Variants in EPM2A observed in about 807,000 individuals in gnomAD.
EPM2A encodes EPM2A glucan phosphatase, laforin, also known as laforin.
A neutral mutation model predicts 26.5 loss-of-function variants in EPM2A; 21 were observed. That is an observed-to-expected ratio of 0.79 (90% CI 0.56 to 1.14). The LOEUF is 1.14. Among genes scored for constraint, EPM2A ranks in the 50% most tolerant of loss-of-function variants. The probability of loss-of-function intolerance (pLI) is 0.00; values close to 1 mark genes in which losing one functional copy is unlikely to be tolerated. For missense variants in EPM2A, 458 were observed against 440.8 expected (o/e 1.04, Z -0.35); for synonymous variants, 217 against 177.6 (o/e 1.22, Z -1.76).
intron 4 of EPM2A, among the ~76,000 whole-genome samples, chr6:145,403,588 G>A (rs990079785): frequency 6.6e-6 from 1 of 152,100 alleles, no homozygotes; most frequent in Non-Finnish European, 1.5e-5. Flanking sequence ...TGTTGTAAAT[G>A]ATTAGATCTC....
At chr6:145,635,904 TAA>T (rs989952779) in intron 2 of EPM2A, 57 of 214,180 alleles carry the variant, frequency 2.7e-4, no homozygotes, top group African/African-American at 1.3e-3. Context: ...CATTCCGGTT[TAA>T]AAGTCTATGC....
At chr6:145,548,777 T>C (rs1368351535) in intron 2 of EPM2A, among the ~76,000 whole-genome samples, 1 of 152,088 alleles carries the variant, frequency 6.6e-6, no homozygotes, top group African/African-American at 2.4e-5. Flanking sequence ...TAAACTCGGC[T>C]CTCACTCACT....
intron 1 of EPM2A, among the ~76,000 whole-genome samples, chr6:145,698,409 C>A (rs1217082079): frequency 6.6e-6 from 1 of 152,120 alleles, no homozygotes; most frequent in African/African-American, 2.4e-5. Context: ...TCACTATCTG[C>A]CAAGCCTCCA....
At chr6:145,393,295 G>A (rs147861175) in intron 4 of EPM2A, among the ~76,000 whole-genome samples, 166 of 152,094 alleles carry the variant, frequency 1.1e-3, no homozygotes, top group African/African-American at 3.9e-3. Context: ...CAGAATCAGG[G>A]GCTTTCCACT....
chr6:145,632,308 A>T (rs1776325508), intron 3 of EPM2A: 1 of 152,220 alleles, frequency 6.6e-6, no homozygotes. Flanking sequence ...ACAGAGGGGT[A>T]GCTGAGGACT....
chr6:145,601,270 A>G (rs1245476484), intron 2 of EPM2A, among the ~76,000 whole-genome samples: 4 of 152,152 alleles, frequency 2.6e-5, no homozygotes, highest in African/African-American at 9.7e-5. Flanking sequence ...CATACCTCTC[A>G]GAATCCACTT....
At chr6:145,562,975 T>C (rs1006095636) in intron 2 of EPM2A, among the ~76,000 whole-genome samples, 3 of 151,368 alleles carry the variant, frequency 2.0e-5, no homozygotes, top group Non-Finnish European at 2.9e-5. Context: ...CTGGTTTCAA[T>C]GTGGATGAAG....
chr6:145,730,114 C>T (rs1332082954), intron 1 of EPM2A, among the ~76,000 whole-genome samples: 2 of 152,170 alleles, frequency 1.3e-5, no homozygotes, highest in African/African-American at 4.8e-5. Context: ...GTCTCCCCAG[C>T]CATGTTTCCT....
At position 145,456,737 on chromosome 6, in the gene EPM2A, ATACT is replaced by A. The variant is rs537048665; in HGVS notation, c.555+45781_555+45784del. Among the ~76,000 whole-genome samples, 222 of 152,358 alleles carry A rather than the reference ATACT, an allele frequency of 1.5e-3. 1 individual carries two copies. Among genetic ancestry groups the A allele is most frequent in the African/African-American group, 4.9e-3 (202 of 41,592 alleles). On this transcript the variant is annotated intron_variant, in intron 4 of 4. Coordinates refer to the EPM2A transcript ENST00000638717. ...GGTTTTATTTACAAAAATGTGATAC[ATACT>A]TACATGAACAACAGAATGAAAAGAA... is the stretch of plus-strand genomic sequence containing the variant.
intron 2 of EPM2A, among the ~76,000 whole-genome samples, chr6:145,507,216 T>G (rs1299603886): frequency 3.9e-5 from 6 of 152,250 alleles, no homozygotes; most frequent in Admixed American, 3.9e-4. Flanking sequence ...ACCTTTTCTT[T>G]TCCCAAGATG....
chr6:145,470,250 T>C (rs1779456960), intron 4 of EPM2A, among the ~76,000 whole-genome samples: 1 of 151,946 alleles, frequency 6.6e-6, no homozygotes, highest in Admixed American at 6.6e-5. Context: ...CTGATTATTA[T>C]ACATTGTATT....
At chr6:145,734,879 C>T in intron 1 of EPM2A, 1 of 173,294 alleles carries the variant, frequency 5.8e-6, no homozygotes, top group East Asian at 1.5e-4. Flanking sequence ...GTGACGCAGG[C>T]GCGGTTGGAA....
At chr6:145,588,037 A>T (rs1272367639) in intron 2 of EPM2A, among the ~76,000 whole-genome samples, 1 of 152,190 alleles carries the variant, frequency 6.6e-6, no homozygotes, top group Non-Finnish European at 1.5e-5. Flanking sequence ...AAATTTATAA[A>T]GGACACACTT....
At chr6:145,642,737 T>C (rs1283926731) in intron 2 of EPM2A, among the ~76,000 whole-genome samples, 1 of 152,172 alleles carries the variant, frequency 6.6e-6, no homozygotes, top group Non-Finnish European at 1.5e-5. Flanking sequence ...CAAAGTCCTT[T>C]TTAAAGCGAG....
At chr6:145,622,837 T>G (rs1396274822), downstream of EPM2A, among the ~76,000 whole-genome samples, 1 of 152,212 alleles carries the variant, frequency 6.6e-6, no homozygotes, top group African/African-American at 2.4e-5. Context: ...TGTGGTACAT[T>G]ATTATGGCTG....
chr6:145,558,497 A>C (rs1780761247), intron 2 of EPM2A, among the ~76,000 whole-genome samples: 1 of 152,002 alleles, frequency 6.6e-6, no homozygotes, highest in African/African-American at 2.4e-5. Flanking sequence ...TTTTTGAGGA[A>C]GCTCCATACT....
intron 4 of EPM2A, among the ~76,000 whole-genome samples, chr6:145,417,875 A>C (rs1164223044): frequency 6.6e-6 from 1 of 151,986 alleles, no homozygotes; most frequent in East Asian, 1.9e-4. Flanking sequence ...CTTTGATATA[A>C]CAGCTTCCAG....
At chr6:145,425,429 C>T (rs1482834626) in intron 4 of EPM2A, among the ~76,000 whole-genome samples, 2 of 152,134 alleles carry the variant, frequency 1.3e-5, no homozygotes. Context: ...CCTGCCTTTG[C>T]CTTCCAAAGT....
At chr6:145,538,951 C>T (rs1242306593) in intron 2 of EPM2A, among the ~76,000 whole-genome samples, 1 of 152,164 alleles carries the variant, frequency 6.6e-6, no homozygotes, top group African/African-American at 2.4e-5. Flanking sequence ...GAAATCCTTG[C>T]TTAAGAGCAC....
Sources: gnomAD v4.1 joint callset for allele counts (sites outside exome capture counted in the v4.1 genomes callset) on GRCh38, gnomAD v4.1.1 for gene constraint, MANE v1.5 for transcripts, NCBI Gene and HGNC (gene_info 2026-07-23, HGNC 2026-07-21) for gene names.